The following PCDHAC2 variants were observed in gnomAD, a reference collection of about 807,000 sequenced individuals.
PCDHAC2 encodes protocadherin alpha subfamily C, 2.
Under a neutral mutation model 63.3 loss-of-function variants are expected in PCDHAC2, and 24 were observed. The observed-to-expected ratio is 0.38, with a 90% confidence interval of 0.27 to 0.53. The LOEUF (loss-of-function observed/expected upper bound fraction) is 0.53. Among genes scored for constraint, PCDHAC2 ranks in the 20% least tolerant of loss-of-function variants. PCDHAC2 has a pLI of 0.81. For missense variants in PCDHAC2, 1,181 were observed against 1,275.2 expected (o/e 0.93, Z 1.12); for synonymous variants, 569 against 529.4 (o/e 1.07, Z -1.03).
intron 3 of PCDHAC2, among the ~76,000 whole-genome samples, chr5:141,005,659 G>T (rs963015988): frequency 1.6e-5 from 2 of 123,890 alleles, no homozygotes; most frequent in South Asian, 2.6e-4. Flanking sequence ...TCGAGATCGC[G>T]CCACTGCACT....
At chr5:140,992,761 A>G (rs1400429465) in intron 3 of PCDHAC2, among the ~76,000 whole-genome samples, 1 of 152,180 alleles carries the variant, frequency 6.6e-6, no homozygotes, top group African/African-American at 2.4e-5. Flanking sequence ...TGTTGGGGAT[A>G]GGAGGGTGGG....
intron 3 of PCDHAC2, among the ~76,000 whole-genome samples, chr5:140,985,928 C>G (rs1001132600): frequency 9.9e-5 from 15 of 151,534 alleles, no homozygotes; most frequent in Non-Finnish European, 1.3e-4. Context: ...TTTAGTAGAG[C>G]CGGGGTTTCA....
chr5:140,989,197 C>T (rs2097332742), intron 3 of PCDHAC2, among the ~76,000 whole-genome samples: 1 of 152,206 alleles, frequency 6.6e-6, no homozygotes, highest in Admixed American at 6.5e-5. Context: ...ACCCTCCCTT[C>T]TAGCTTTCTT....
rs186453952 is a variant in PCDHAC2 at position 140,967,935 on chromosome 5, A to G, written c.1169A>G (p.Asn390Ser). 13 of 1,614,214 alleles carry G rather than the reference A, an allele frequency of 8.1e-6. No individual in the cohort carries two copies. Among genetic ancestry groups the G allele is most frequent in the South Asian group, 4.4e-5 (4 of 91,086 alleles). ...PNTIVAVLSV[N>S]DQDSGPNRKV... is the part of the protein sequence containing the mutation. ...ACCATTGTGGCCGTTCTCAGTGTCA[A>G]TGACCAAGACTCAGGCCCCAACCGG... The change falls in exon 1 of 4, where the codon AAT becomes AGT. Residue 390 changes from asparagine (N) to serine (S), a missense_variant. By Grantham distance (46) the Asn-to-Ser change is conservative. Coordinates refer to ENST00000289269, the MANE Select transcript of PCDHAC2 (RefSeq NM_018899.6).
intron 1 of PCDHAC2, among the ~76,000 whole-genome samples, chr5:140,974,423 C>T (rs2096627451): frequency 6.6e-6 from 1 of 152,166 alleles, no homozygotes; most frequent in Non-Finnish European, 1.5e-5. Flanking sequence ...ATTTTACTTT[C>T]CTGGTTTGTA....
At chr5:140,998,977 ATAG>A (rs2097842205) in intron 3 of PCDHAC2, among the ~76,000 whole-genome samples, 1 of 152,242 alleles carries the variant, frequency 6.6e-6, no homozygotes, top group African/African-American at 2.4e-5. Flanking sequence ...ATCCTAGAAA[ATAG>A]TAGAAAGCAG....
chr5:140,969,508 A>C, intron 1 of PCDHAC2, 177 bp downstream of exon 1: 2 of 1,424,370 alleles, frequency 1.4e-6, no homozygotes, highest in South Asian at 1.5e-5. Context: ...GAAAAATAGC[A>C]CTAAAGAATT....
chr5:140,979,122 T>C (rs1271679977), intron 2 of PCDHAC2, 115 bp downstream of exon 2: 2 of 1,493,778 alleles, frequency 1.3e-6, no homozygotes, highest in African/African-American at 2.8e-5. Flanking sequence ...TTAGGTACTT[T>C]GCCAGGAAAA....
chr5:141,005,664 T>G (rs1554260244), intron 3 of PCDHAC2, among the ~76,000 whole-genome samples: 1 of 122,102 alleles, frequency 8.2e-6, no homozygotes. Flanking sequence ...ATCGCGCCAC[T>G]GCACTCCAGC....
At position 141,011,314 on chromosome 5, in the gene PCDHAC2, T is replaced by G. The variant is rs1269900647; in HGVS notation, c.*1377T>G. 2.0e-5 allele frequency: 3 copies of G among 153,782 alleles called. No homozygotes were observed. Among genetic ancestry groups the G allele is most frequent in the Non-Finnish European group, 4.4e-5 (3 of 68,040 alleles). 9.5% of individuals were successfully genotyped at this position (153,782 alleles called of 1,614,324 possible). On this transcript the variant is annotated 3_prime_UTR_variant, in exon 4 of 4. Coordinates refer to ENST00000289269, the MANE Select transcript of PCDHAC2 (RefSeq NM_018899.6). ...CTATAACACTCTGAATTGCTAATCT[T>G]ACTAACACCTATGATGTTACCTGAA...
At chr5:140,989,637 T>C (rs1274152423) in intron 3 of PCDHAC2, among the ~76,000 whole-genome samples, 2 of 152,070 alleles carry the variant, frequency 1.3e-5, no homozygotes, top group African/African-American at 4.8e-5. Flanking sequence ...ACAGCAAGGG[T>C]CTTTCATGGC....
At chr5:140,970,854 T>TG (rs1554232785) in intron 1 of PCDHAC2, among the ~76,000 whole-genome samples, 1 of 152,148 alleles carries the variant, frequency 6.6e-6, no homozygotes, top group Non-Finnish European at 1.5e-5. Context: ...GCACAAAAGT[T>TG]CCATTCCTGA....
At chr5:141,009,173 G>A (rs1486905042) in intron 3 of PCDHAC2, among the ~76,000 whole-genome samples, 3 of 152,204 alleles carry the variant, frequency 2.0e-5, no homozygotes, top group African/African-American at 7.2e-5. Flanking sequence ...TACTGGCCTT[G>A]GCTGGGTGTG....
intron 3 of PCDHAC2, among the ~76,000 whole-genome samples, chr5:141,008,506 T>G (rs1362141784): frequency 5.9e-5 from 9 of 152,202 alleles, no homozygotes; most frequent in African/African-American, 2.2e-4. Context: ...CTTTATGGTG[T>G]GTCTTCCAAT....
chr5:140,988,658 T>C (rs1470835683), intron 3 of PCDHAC2, among the ~76,000 whole-genome samples: 7 of 152,232 alleles, frequency 4.6e-5, no homozygotes, highest in African/African-American at 9.6e-5. Flanking sequence ...TTTTTGTTTA[T>C]GAATAGACTC....
chr5:140,981,787 T>C (rs2096951436), intron 2 of PCDHAC2, among the ~76,000 whole-genome samples: 1 of 152,116 alleles, frequency 6.6e-6, no homozygotes, highest in Non-Finnish European at 1.5e-5. Flanking sequence ...CCATGTTCTC[T>C]TTTCCCTTGA....
Position 140,967,730 on chromosome 5 carries a change from G to A in PCDHAC2, c.964G>A (p.Gly322Arg), listed in dbSNP as rs2096176474. The A allele has an allele frequency of 6.2e-7, 1 of 1,614,146 alleles. No individual in the cohort carries two copies. Among genetic ancestry groups the A allele is most frequent in the Non-Finnish European group, 8.5e-7 (1 of 1,180,034 alleles). Reference sequence around the variant, plus strand: ...TACCGGGGAAGTGCGAGTAATTGGGGGGCTGGATTATGAGGAAGCCTCCTC... The same window carrying A: ...TACCGGGGAAGTGCGAGTAATTGGGAGGCTGGATTATGAGGAAGCCTCCTC... The part of the protein sequence containing the change: ...ASTGEVRVIG[G>R]LDYEEASSYQ... Residue 322 changes from glycine (G) to arginine (R), a missense_variant, in exon 1 of 4, where the codon GGG becomes AGG. By Grantham distance (125) the Gly-to-Arg change is moderately radical. This residue lies in a region of PCDHAC2 where 968 missense variants were observed against 1,073.5 expected (regional missense o/e 0.90). Transcript: ENST00000289269.
intron 3 of PCDHAC2, among the ~76,000 whole-genome samples, chr5:141,001,281 A>T (rs1239906088): frequency 6.6e-6 from 1 of 152,168 alleles, no homozygotes; most frequent in African/African-American, 2.4e-5. Context: ...TTTTTTACGG[A>T]TGAAAACTGA....
intron 3 of PCDHAC2, among the ~76,000 whole-genome samples, chr5:140,983,419 A>G (rs1209385386): frequency 5.3e-5 from 8 of 152,210 alleles, no homozygotes; most frequent in Non-Finnish European, 1.2e-4. Flanking sequence ...GTGTTGGTAG[A>G]GACCACAAAT....
Sources: gnomAD v4.1 joint callset for allele counts (sites outside exome capture counted in the v4.1 genomes callset) on GRCh38, gnomAD v4.1.1 for gene constraint, gnomAD v4.1.1 regional missense constraint, MANE v1.5 for transcripts, NCBI Gene and HGNC (gene_info 2026-07-23, HGNC 2026-07-21) for gene names.